The following NT5C2 variants were observed in gnomAD, a reference collection of about 807,000 sequenced individuals.
NT5C2 encodes the protein cytosolic purine 5'-nucleotidase.
NT5C2 carries 58 observed loss-of-function variants against 76.1 expected under a neutral mutation model. The observed-to-expected ratio is 0.76, with a 90% CI of 0.62 to 0.95. NT5C2 has a LOEUF of 0.95. NT5C2 is among the 40% of genes least tolerant of loss of function. The probability of loss-of-function intolerance (pLI) is 0.00; values close to 1 mark genes in which losing one functional copy is unlikely to be tolerated. For synonymous variants in NT5C2, 229 were observed against 237.4 expected (o/e 0.96, Z 0.32); for missense variants, 478 against 690.3 (o/e 0.69, Z 3.45).
intron 4 of NT5C2, among the ~76,000 whole-genome samples, chr10:103,117,145 G>T (rs2074537479): frequency 6.6e-6 from 1 of 152,006 alleles, no homozygotes; most frequent in African/African-American, 2.4e-5. Flanking sequence ...AACTACAAAT[G>T]ACGAGTATTT....
At chr10:103,186,692 A>G (rs1337814371) in intron 1 of NT5C2, among the ~76,000 whole-genome samples, 1 of 152,034 alleles carries the variant, frequency 6.6e-6, no homozygotes, top group Non-Finnish European at 1.5e-5. Context: ...AGGCGGGCGG[A>G]TCACAAGGTA....
chr10:103,102,896 G>A (rs796139746), intron 6 of NT5C2, among the ~76,000 whole-genome samples: 70 of 151,966 alleles, frequency 4.6e-4, no homozygotes, highest in African/African-American at 1.6e-3. Context: ...TCTACGTACA[G>A]ATACTAGATG....
chr10:103,094,327 C>A, intron 13 of NT5C2, 21 bp downstream of exon 13: 4 of 1,414,374 alleles, frequency 2.8e-6, no homozygotes, highest in Non-Finnish European at 4.0e-6. Context: ...GCTAGCAAGA[C>A]AGATCATTCT....
At chr10:103,129,385 T>C (rs1356605161) in intron 4 of NT5C2, among the ~76,000 whole-genome samples, 38 of 90,150 alleles carry the variant, frequency 4.2e-4, no homozygotes, top group East Asian at 8.4e-4. Context: ...CCGCCCCGTC[T>C]GGGAGGTGAG....
At chr10:103,153,316 T>C in intron 3 of NT5C2, 1 of 1,282,070 alleles carries the variant, frequency 7.8e-7, no homozygotes, top group Non-Finnish European at 1.0e-6. Context: ...CTCAAAGATC[T>C]ACTTCCTCTG....
intron 8 of NT5C2, chr10:103,100,671 A>ACC (rs1284609972): frequency 4.2e-6 from 2 of 479,682 alleles, no homozygotes; most frequent in Admixed American, 4.6e-5. Context: ...ACCATCCCTG[A>ACC]ATGGCTCCTG....
intron 4 of NT5C2, among the ~76,000 whole-genome samples, chr10:103,117,542 G>A (rs1358374436): frequency 6.6e-6 from 1 of 152,176 alleles, no homozygotes; most frequent in Non-Finnish European, 1.5e-5. Context: ...TGCTATTCAG[G>A]AGTTTGAGGT....
At chr10:103,135,896 G>A (rs2136193841) in intron 4 of NT5C2, among the ~76,000 whole-genome samples, 1 of 151,852 alleles carries the variant, frequency 6.6e-6, no homozygotes, top group South Asian at 2.1e-4. Context: ...ACTGGCCTGG[G>A]TAACCTGGTG....
intron 3 of NT5C2, among the ~76,000 whole-genome samples, chr10:103,157,945 C>T (rs2083797905): frequency 6.6e-6 from 1 of 151,924 alleles, no homozygotes; most frequent in Non-Finnish European, 1.5e-5. Flanking sequence ...TGGTGGCACG[C>T]ACCTGTAGCC....
intron 4 of NT5C2, among the ~76,000 whole-genome samples, chr10:103,129,238 CGGG>C (rs2077416078): frequency 9.8e-6 from 1 of 102,398 alleles, no homozygotes; most frequent in Non-Finnish European, 2.1e-5. Context: ...CCACCCCGTC[CGGG>C]AGGGAGATGG....
At position 103,088,176 on chromosome 10, in the gene NT5C2, G is replaced by GAATTCTGGAGCAGCTAA. The variant is rs1213194411; in HGVS notation, c.*1479_*1495dup. Reference sequence around the variant, plus strand: ...ACCGTTAGAAATATTACACTTTATTGAATTCTGGAGCAGCTAATCTACCCT... The same window carrying GAATTCTGGAGCAGCTAA: ...ACCGTTAGAAATATTACACTTTATTGAATTCTGGAGCAGCTAAAATTCTGGAGCAGCTAATCTACCCT... On this transcript the variant is annotated 3_prime_UTR_variant, in exon 19 of 19. Coordinates refer to ENST00000404739, the MANE Select transcript of NT5C2 (RefSeq NM_001351169.2). 2 of 152,178 alleles carry GAATTCTGGAGCAGCTAA rather than the reference G, an allele frequency of 1.3e-5. No individual in the cohort carries two copies. Among genetic ancestry groups the GAATTCTGGAGCAGCTAA allele is most frequent in the Non-Finnish European group, 2.9e-5 (2 of 68,030 alleles). 9.4% of individuals were successfully genotyped at this position (152,178 alleles called of 1,614,324 possible).
chr10:103,163,870 A>C (rs1396638415), intron 3 of NT5C2, among the ~76,000 whole-genome samples: 1 of 106,252 alleles, frequency 9.4e-6, no homozygotes, highest in African/African-American at 3.2e-5. Context: ...CAAAAAAAAA[A>C]CAAAAAAAAA....
At chr10:103,131,617 C>T (rs1452027862) in intron 4 of NT5C2, among the ~76,000 whole-genome samples, 1 of 152,196 alleles carries the variant, frequency 6.6e-6, no homozygotes, top group Non-Finnish European at 1.5e-5. Flanking sequence ...CTAGCCAGTA[C>T]TCTTTAAAAG....
At chr10:103,100,655 T>G (rs1590782364) in intron 8 of NT5C2, 1 of 471,544 alleles carries the variant, frequency 2.1e-6, no homozygotes, top group South Asian at 1.5e-5. Context: ...GGAATGAAAT[T>G]AAATTACCAT....
intron 4 of NT5C2, among the ~76,000 whole-genome samples, chr10:103,120,394 G>A (rs1457920753): frequency 6.6e-6 from 1 of 152,022 alleles, no homozygotes; most frequent in East Asian, 1.9e-4. Context: ...ATCTGATGAG[G>A]GATTAATATC....
At chr10:103,090,025 G>A in intron 18 of NT5C2, 117 bp from the exon 19 acceptor site, 2 of 713,922 alleles carry the variant, frequency 2.8e-6, no homozygotes, top group South Asian at 2.2e-5. Flanking sequence ...ATGGACCACA[G>A]GACAAGTCAA....
At chr10:103,102,470 T>C (rs572054020) in intron 6 of NT5C2, among the ~76,000 whole-genome samples, 3 of 151,864 alleles carry the variant, frequency 2.0e-5, no homozygotes, top group Non-Finnish European at 2.9e-5. Flanking sequence ...TGAAAGAGCA[T>C]AGAGAGATCA....
chr10:103,137,936 G>A (rs959479774), intron 4 of NT5C2, among the ~76,000 whole-genome samples: 31 of 152,058 alleles, frequency 2.0e-4, no homozygotes, highest in Non-Finnish European at 1.2e-4. Context: ...TTGTTTGGTT[G>A]GTTGGTTAGT....
intron 3 of NT5C2, among the ~76,000 whole-genome samples, chr10:103,170,646 C>A (rs1348052761): frequency 6.6e-6 from 1 of 151,642 alleles, no homozygotes; most frequent in Non-Finnish European, 1.5e-5. Context: ...CCTCAGCCTC[C>A]CAGGTAGCTG....
Sources: allele counts gnomAD v4.1 joint callset (sites outside exome capture counted in the v4.1 genomes callset), GRCh38; gene constraint gnomAD v4.1.1; transcripts MANE v1.5; gene names NCBI Gene and HGNC (gene_info 2026-07-23, HGNC 2026-07-21).